CYP27B1: variants seen among roughly 807,000 people sequenced by gnomAD.
CYP27B1 encodes the protein 25-hydroxyvitamin D-1 alpha hydroxylase, mitochondrial.
CYP27B1 carries 46 observed loss-of-function variants against 54.8 expected under a neutral mutation model. That is an observed-to-expected ratio of 0.84 (90% CI 0.66 to 1.07). The LOEUF is 1.07. Ranked by LOEUF, CYP27B1 falls within the 50% of genes least tolerant of loss-of-function variation. The pLI is 0.00. For missense variants in CYP27B1, 674 were observed against 692.2 expected, an observed-to-expected ratio of 0.97 and a Z score of 0.30; for synonymous variants, 292 against 297.3, an observed-to-expected ratio of 0.98 and a Z score of 0.18.
chr12:57,764,697 G>A (rs758216478), intron 5 of CYP27B1, 57 bp downstream of exon 5: 58 of 1,609,588 alleles, frequency 3.6e-5, no homozygotes, highest in Non-Finnish European at 4.5e-5. Context: ...AAATGGAGCC[G>A]GAGTCTGCGG....
chr12:57,763,307 G>A (rs114062320), intron 8 of CYP27B1, 52 bp from the exon 9 acceptor site: 1 of 1,333,340 alleles, frequency 7.5e-7, no homozygotes, highest in African/African-American at 1.4e-5. Flanking sequence ...ATAATGGGGG[G>A]ATTCATTGGT....
chr12:57,766,792 G>C, intron 1 of CYP27B1, 55 bp downstream of exon 1: 1 of 1,578,330 alleles, frequency 6.3e-7, no homozygotes, highest in Non-Finnish European at 8.7e-7. Flanking sequence ...CCTTTCTGAC[G>C]CTGTCAAAAC....
At chr12:57,766,741 G>C in intron 1 of CYP27B1, 106 bp downstream of exon 1, 1 of 1,249,094 alleles carries the variant, frequency 8.0e-7, no homozygotes, top group Non-Finnish European at 1.2e-6. Flanking sequence ...ATGGGCATCC[G>C]TTCTCTCTGG....
At chr12:57,763,833 T>C in intron 7 of CYP27B1, 25 bp from the exon 8 acceptor site, 2 of 1,610,386 alleles carry the variant, frequency 1.2e-6, no homozygotes, top group African/African-American at 1.3e-5. Context: ...AACAAACTTG[T>C]CAGTTTGGGC....
At chr12:57,766,684 A>T (rs1161544319) in intron 1 of CYP27B1, among the ~76,000 whole-genome samples, 163 bp downstream of exon 1, 4 of 152,058 alleles carry the variant, frequency 2.6e-5, no homozygotes, top group Non-Finnish European at 5.9e-5. Flanking sequence ...GCTCTGCCCG[A>T]GTGTAGCCAC....
chr12:57,763,707 G>C lies in CYP27B1; in HGVS notation c.1317C>G (p.Thr439=), dbSNP rs778903870. ...AGGGAAGAGATGCAAATGGGTGGGG[G>C]GTGGGACCCTCCCCCAGCCAGCGAG... ...RPARWLGEGP[T]PHPFASLPFG... Residue 439 remains threonine (T), a synonymous_variant, in exon 8 of 9, where the codon ACC becomes ACG. Transcript: ENST00000228606. 6.3e-6 allele frequency: 10 copies of C among 1,588,972 alleles called. No homozygotes were observed. Among genetic ancestry groups the C allele is most frequent in the Non-Finnish European group, 8.6e-6 (10 of 1,157,354 alleles).
Position 57,764,183 on chromosome 12 carries a change from T to A in CYP27B1, c.1137-7A>T, listed in dbSNP as rs1955340015. 2 of 1,612,226 alleles carry A rather than the reference T, an allele frequency of 1.2e-6. No homozygotes were observed. The highest frequency in any genetic ancestry group is 1.7e-6 in the Non-Finnish European group (2 of 1,178,214). On this transcript the variant is annotated splice_polypyrimidine_tract_variant and splice_region_variant and intron_variant, in intron 6 of 8. Transcript: ENST00000228606. ...AGGTACCACAGGGTACAGTCTAGGT[T>A]GCAAAGCACAAAATGGAGACAACAA...
At chr12:57,763,925 G>T in intron 7 of CYP27B1, 117 bp from the exon 8 acceptor site, 1 of 1,170,248 alleles carries the variant, frequency 8.5e-7, no homozygotes. Flanking sequence ...AAGTTTTCTG[G>T]GGCTACTTTT....
chr12:57,763,987 A>T, intron 7 of CYP27B1, 111 bp downstream of exon 7: 1 of 1,085,658 alleles, frequency 9.2e-7, no homozygotes, highest in Non-Finnish European at 1.4e-6. Flanking sequence ...TATCCTAGAG[A>T]GGGGTCAAGG....
Position 57,762,727 on chromosome 12 carries a change from C to T in CYP27B1, c.*415G>A, listed in dbSNP as rs8176351. ...CTCTCAAAGAGCTTACATGCAAAGA[C>T]GAAGGACCAACCAGGTACAGACCAG... On this transcript the variant is annotated 3_prime_UTR_variant, in exon 9 of 9. Transcript: ENST00000228606. 9.1e-3 allele frequency: 2,480 copies of T among 273,230 alleles called. 59 individuals carry two copies. The highest frequency in any genetic ancestry group is 0.045 in the African/African-American group (2,071 of 45,912). The allele number at this position is 273,230 out of a possible 1,614,324, so 16.9% of individuals were successfully genotyped here.
Position 57,765,084 on chromosome 12 carries a change from G to T in CYP27B1, c.717C>A (p.Pro239=), listed in dbSNP as rs774153859. The T allele has an allele frequency of 1.9e-6, 3 of 1,613,886 alleles. No homozygotes were observed. The Admixed American group carries it at 5.0e-5, about 27-fold the overall frequency. ...FVSTLLTMAM[P]HWLRHLVPGP... ...CAGGCACAAGGTGGCGCAGCCAGTG[G>T]GGCATCGCCATGGTCAACAGCGTGG... Residue 239 remains proline (P), a synonymous_variant, in exon 4 of 9, where the codon CCC becomes CCA. Coordinates refer to ENST00000228606, the MANE Select transcript of CYP27B1 (RefSeq NM_000785.4). This position sits in a 1 kb window ranked among gnomAD's most constrained non-coding sequence, Gnocchi z 5.8.
Position 57,767,023 on chromosome 12 carries a change from A to G in CYP27B1, c.19T>C (p.Tyr7His). The change falls in exon 1 of 9, where the codon TAC becomes CAC. Residue 7 changes from tyrosine to histidine, a missense_variant. Coordinates refer to ENST00000228606, the MANE Select transcript of CYP27B1 (RefSeq NM_000785.4). MTQTLK[Y>H]ASRVFHRVRW... ...ACGCGATGGAACACTCTGGAGGCGTACTTGAGGGTCTGGGTCATGGTCTGG... is the reference window on the plus strand; with the variant it reads ...ACGCGATGGAACACTCTGGAGGCGTGCTTGAGGGTCTGGGTCATGGTCTGG... 1 of 1,614,188 alleles carries G rather than the reference A, an allele frequency of 6.2e-7. No homozygotes were observed. Among genetic ancestry groups the G allele is most frequent in the Non-Finnish European group, 8.5e-7 (1 of 1,180,028 alleles).
In CYP27B1 at chr12:57,762,652, G is replaced by C. The variant is rs1955327971; in HGVS notation, c.*490C>G. 1 of 235,118 alleles carries C rather than the reference G, an allele frequency of 4.3e-6. No homozygotes were observed. The highest frequency in any genetic ancestry group is 8.5e-6 in the Non-Finnish European group (1 of 117,870). The allele number at this position is 235,118 out of a possible 1,614,324, so 14.6% of individuals were successfully genotyped here. ...GAATGTGTATGGTGACACCTAGTCA[G>C]AGACAGGCCCTGGCAGGGGACATAA... On this transcript the variant is annotated 3_prime_UTR_variant, in exon 9 of 9. Transcript: ENST00000228606.
At chr12:57,766,660 A>G (rs1268107014) in intron 1 of CYP27B1, 187 bp downstream of exon 1, 2 of 669,094 alleles carry the variant, frequency 3.0e-6, no homozygotes, top group Non-Finnish European at 5.1e-6. Flanking sequence ...GCCCTCTGCT[A>G]AGAGTCGGGA....
At position 57,764,503 on chromosome 12, in the gene CYP27B1, G is replaced by C; in HGVS notation, c.1011C>G (p.Pro337=). The C allele has an allele frequency of 6.2e-7, 1 of 1,614,174 alleles. No homozygotes were observed. The highest frequency in any genetic ancestry group is 8.5e-7 in the Non-Finnish European group (1 of 1,180,036). ...SWALYELSRH[P]EVQTALHSEI... ...CTGAGTGGAGTGCTGTCTGGACTTC[G>C]GGGTGCCGGGAGAGCTCATACAGAG... Residue 337 remains proline, a synonymous_variant, in exon 6 of 9, where the codon CCC becomes CCG. Transcript: ENST00000228606.
Position 57,766,090 on chromosome 12 carries a change from C to T in CYP27B1, c.303G>A (p.Glu101=). ...AGCTGCAGCGCTCGGGCCGGGGTCC[C>T]TCCTGTCGCAGCAGCTCCTCGACGA... ...PALVEELLRQ[E]GPRPERCSFS... The change falls in exon 2 of 9, where the codon GAG becomes GAA. Residue 101 remains glutamate (E), a synonymous_variant. Transcript: ENST00000228606. The T allele has an allele frequency of 6.5e-7, 1 of 1,549,850 alleles. No homozygotes were observed. The highest frequency in any genetic ancestry group is 2.4e-5 in the East Asian group (1 of 41,786).
chr12:57,766,871 C>A lies in CYP27B1; in HGVS notation c.171G>T (p.Gly57=). The change falls in exon 1 of 9, where the codon GGG becomes GGT. Residue 57 remains glycine, a synonymous_variant. Coordinates refer to ENST00000228606, the MANE Select transcript of CYP27B1 (RefSeq NM_000785.4). ...CCTGCAGCTCGTGTAGCCTCGACAG[C>A]CCCCCCTTGCAGAAAAGTTCGGCCA... ...SFLAELFCKG[G]LSRLHELQVQ... The A allele has an allele frequency of 6.2e-7, 1 of 1,614,138 alleles. No individual in the cohort carries two copies. The highest frequency in any genetic ancestry group is 8.5e-7 in the Non-Finnish European group (1 of 1,180,000).
chr12:57,766,976 G>A lies in CYP27B1; in HGVS notation c.66C>T (p.Gly22=), dbSNP rs759285613. 5 of 1,614,070 alleles carry A rather than the reference G, an allele frequency of 3.1e-6. No homozygotes were observed. Among genetic ancestry groups the A allele is most frequent in the Non-Finnish European group, 4.2e-6 (5 of 1,180,032 alleles). Residue 22 remains glycine (G), a synonymous_variant, in exon 1 of 9, where the codon GGC becomes GGT. Transcript: ENST00000228606. The stretch of plus-strand genomic sequence containing the variant: ...GGTACTCTCGGTAGCCTAGGGAGGC[G>A]CCCAACTCGGGCGCCCAGCGGACGC... The part of the protein sequence containing the change: ...FHRVRWAPEL[G]ASLGYREYHS...
intron 1 of CYP27B1, chr12:57,766,555 A>C (rs1955362442): frequency 1.7e-6 from 1 of 572,186 alleles, no homozygotes; most frequent in Non-Finnish European, 3.1e-6. Flanking sequence ...AAGCAGGCGG[A>C]GGGTACTGCC....
Sources: gnomAD v4.1 joint callset for allele counts (sites outside exome capture counted in the v4.1 genomes callset) on GRCh38, gnomAD v4.1.1 for gene constraint, Gnocchi (gnomAD v3.1) non-coding constraint, MANE v1.5 for transcripts, NCBI Gene and HGNC (gene_info 2026-07-23, HGNC 2026-07-21) for gene names.